AOAH: variants seen among roughly 807,000 people sequenced by gnomAD.
The protein encoded by AOAH is acyloxyacyl hydrolase, also known as acyloxyacyl hydrolase (neutrophil).
AOAH carries 64 observed loss-of-function variants against 92.2 expected under a neutral mutation model. That is an observed-to-expected ratio of 0.69 (90% CI 0.57 to 0.86). The LOEUF (loss-of-function observed/expected upper bound fraction) is 0.86. Among genes scored for constraint, AOAH ranks in the 40% least tolerant of loss-of-function variants. The pLI is 0.00. For synonymous variants in AOAH, 263 were observed against 254.5 expected, an observed-to-expected ratio of 1.03 and a Z score of -0.32; for missense variants, 656 against 694.6, an observed-to-expected ratio of 0.94 and a Z score of 0.62.
chr7:36,592,021 G>A (rs1285715368), intron 12 of AOAH, among the ~76,000 whole-genome samples: 2 of 152,020 alleles, frequency 1.3e-5, no homozygotes, highest in Non-Finnish European at 2.9e-5. Flanking sequence ...CAACTTCATG[G>A]GGCCAAAAGG....
At chr7:36,717,689 G>A (rs985978287) in intron 1 of AOAH, among the ~76,000 whole-genome samples, 11 of 146,582 alleles carry the variant, frequency 7.5e-5, no homozygotes, top group Non-Finnish European at 1.6e-4. Context: ...ATTCACTCTT[G>A]TAATTCTCAC....
At chr7:36,625,208 C>T (rs76396011) in intron 6 of AOAH, among the ~76,000 whole-genome samples, 6,279 of 152,196 alleles carry the variant, frequency 0.041, 444 homozygotes, top group African/African-American at 0.14. Flanking sequence ...GCAGCAGGCT[C>T]CCTCTTAGTG....
At chr7:36,643,976 T>C (rs1425674066) in intron 4 of AOAH, among the ~76,000 whole-genome samples, 2 of 152,210 alleles carry the variant, frequency 1.3e-5, no homozygotes, top group Non-Finnish European at 2.9e-5. Flanking sequence ...CTTTTCTCTA[T>C]AAATTACCTA....
rs565396533 is a variant in AOAH, at chr7:36,656,885, G to A, written c.390+2281C>T. 4.0e-5 allele frequency among the ~76,000 whole-genome samples: 6 copies of A among 148,508 alleles called. No individual in the cohort carries two copies. The South Asian group carries it at 6.5e-4, about 16-fold the overall frequency. On this transcript the variant is annotated intron_variant, in intron 4 of 20. Transcript: ENST00000617537. ...GGTGGCACAAAGAGGTTTGGTGGGG[G>A]GTGTTGGCAGTACCAAGAAGCTTTT...
chr7:36,603,691 A>G (rs1790773060), intron 11 of AOAH, among the ~76,000 whole-genome samples: 1 of 152,224 alleles, frequency 6.6e-6, no homozygotes, highest in Non-Finnish European at 1.5e-5. Context: ...CTTAGTTTAC[A>G]AAAGCAGGGA....
In AOAH at chr7:36,513,294, G is replaced by A. The variant is rs368187193; in HGVS notation, c.1686C>T (p.Asn562=). ...CTCCAAACACCTGTTTAATCTGGGG[G>A]TTGAACGGATTCTCCTTTCCCAGGA... ...PQILGKENPF[N]PQIKQVFGDQ... The change falls in exon 21 of 21, where the codon AAC becomes AAT. Residue 562 remains asparagine (N), a synonymous_variant. Transcript: ENST00000617537. 22 of 1,614,060 alleles carry A rather than the reference G, an allele frequency of 1.4e-5. No homozygotes were observed. The African/African-American group carries it at 2.8e-4, about 21-fold the overall frequency.
At chr7:36,700,479 A>C (rs1797962083) in intron 1 of AOAH, among the ~76,000 whole-genome samples, 1 of 152,038 alleles carries the variant, frequency 6.6e-6, no homozygotes, top group African/African-American at 2.4e-5. Context: ...AGTTCCATCC[A>C]TGTTGTTGCA....
rs112482487 is a variant in AOAH, at chr7:36,659,755, CT to C, written c.291-491del. 9.4e-4 allele frequency among the ~76,000 whole-genome samples: 120 copies of C among 127,944 alleles called. 1 individual carries two copies. The highest frequency in any genetic ancestry group is 2.5e-3 in the South Asian group (10 of 4,062). 83.9% of individuals were successfully genotyped at this position (127,944 alleles called of 152,430 possible). A position where few individuals can be genotyped will look rare whatever the true frequency, so the allele number is the denominator to read the frequency against. ...TTATAAACATATTTCTTTTTTCTTT[CT>C]TTTTTTTTTTTTTTTTTCCTGCGAG... On this transcript the variant is annotated intron_variant, in intron 3 of 20. Transcript: ENST00000617537.
At chr7:36,557,688 T>C (rs1388922223) in intron 13 of AOAH, among the ~76,000 whole-genome samples, 1 of 151,584 alleles carries the variant, frequency 6.6e-6, no homozygotes, top group African/African-American at 2.4e-5. Flanking sequence ...TCGTTTCTTT[T>C]TATTCTTTTT....
intron 13 of AOAH, among the ~76,000 whole-genome samples, chr7:36,551,050 T>C (rs903835338): frequency 6.6e-6 from 1 of 150,696 alleles, no homozygotes; most frequent in Non-Finnish European, 1.5e-5. Context: ...CATTTTATTA[T>C]GGTAAAATGT....
chr7:36,692,418 T>C (rs142060568), intron 1 of AOAH, among the ~76,000 whole-genome samples: 186 of 152,152 alleles, frequency 1.2e-3, no homozygotes, highest in African/African-American at 4.2e-3. Context: ...TTGAGTAGAT[T>C]AGACTCTGTG....
At chr7:36,700,840 C>A (rs987312793) in intron 1 of AOAH, among the ~76,000 whole-genome samples, 4 of 152,000 alleles carry the variant, frequency 2.6e-5, no homozygotes, top group Non-Finnish European at 4.4e-5. Flanking sequence ...ATCCTTTCAA[C>A]ATCTGTTATG....
At chr7:36,648,893 A>G (rs1033213254) in intron 4 of AOAH, among the ~76,000 whole-genome samples, 19 of 152,168 alleles carry the variant, frequency 1.2e-4, no homozygotes, top group African/African-American at 4.6e-4. Flanking sequence ...CATTGTTCAT[A>G]ATTTCCTCAG....
chr7:36,707,308 C>A (rs1200879410), intron 1 of AOAH, among the ~76,000 whole-genome samples: 1 of 152,044 alleles, frequency 6.6e-6, no homozygotes, highest in African/African-American at 2.4e-5. Flanking sequence ...AGAACACACA[C>A]ATTTATCAAT....
chr7:36,558,849 A>G (rs191753446), intron 13 of AOAH, among the ~76,000 whole-genome samples: 1 of 152,182 alleles, frequency 6.6e-6, no homozygotes, highest in Non-Finnish European at 1.5e-5. Flanking sequence ...TTGGGGTGGG[A>G]GTGACCCGAT....
At chr7:36,543,941 T>A (rs1785592836) in intron 15 of AOAH, among the ~76,000 whole-genome samples, 1 of 84,454 alleles carries the variant, frequency 1.2e-5, no homozygotes, top group African/African-American at 4.8e-5. Context: ...TTTTCTTTCT[T>A]TCTTTCTTTT....
At chr7:36,626,105 G>A (rs1221979401) in intron 6 of AOAH, among the ~76,000 whole-genome samples, 3 of 152,148 alleles carry the variant, frequency 2.0e-5, no homozygotes, top group Non-Finnish European at 4.4e-5. Context: ...CTTGGACAGC[G>A]TGTATTTTTC....
intron 19 of AOAH, among the ~76,000 whole-genome samples, chr7:36,524,218 A>G (rs1051086134): frequency 1.3e-5 from 2 of 152,054 alleles, no homozygotes; most frequent in Non-Finnish European, 2.9e-5. Flanking sequence ...ATGAAAGACA[A>G]TCGCAACAGG....
At chr7:36,576,679 T>C (rs1788524139) in intron 12 of AOAH, 23 bp from the exon 13 acceptor site, 1 of 1,288,854 alleles carries the variant, frequency 7.8e-7, no homozygotes, top group Admixed American at 2.1e-5. Context: ...TATATGTATA[T>C]ATTTAAGGTC....
Sources: gnomAD v4.1 joint callset for allele counts (sites outside exome capture counted in the v4.1 genomes callset) on GRCh38, gnomAD v4.1.1 for gene constraint, MANE v1.5 for transcripts, NCBI Gene and HGNC (gene_info 2026-07-23, HGNC 2026-07-21) for gene names.